DSG3: variants seen among roughly 807,000 people sequenced by gnomAD.
DSG3 encodes desmoglein 3, also known as desmoglein-3.
In DSG3, 63 loss-of-function variants were observed where a neutral mutation model predicts 85.9. The observed-to-expected ratio is 0.73, with a 90% CI of 0.60 to 0.90. The LOEUF is 0.90. Ranked by LOEUF, DSG3 falls within the 40% of genes least tolerant of loss-of-function variation. DSG3 has a pLI of 0.00. For synonymous variants in DSG3, 447 were observed against 441.9 expected (o/e 1.01, Z -0.14); for missense variants, 1,220 against 1,219.9 (o/e 1.00, Z 0.00).
At chr18:31,455,248 A>G (rs530997627) in intron 1 of DSG3, among the ~76,000 whole-genome samples, 7 of 152,158 alleles carry the variant, frequency 4.6e-5, no homozygotes, top group Middle Eastern at 3.4e-3. Context: ...GTAGCAGCTG[A>G]TACCGAAACT....
intron 5 of DSG3, 133 bp from the exon 6 acceptor site, chr18:31,459,712 C>A: frequency 1.2e-6 from 1 of 863,872 alleles, no homozygotes; most frequent in Non-Finnish European, 1.7e-6. Flanking sequence ...AAGTGATATA[C>A]AATTTTTTGA....
chr18:31,470,505 G>A (rs2072849198), intron 12 of DSG3, among the ~76,000 whole-genome samples: 1 of 152,076 alleles, frequency 6.6e-6, no homozygotes, highest in Admixed American at 6.5e-5. Flanking sequence ...GACACTCAGA[G>A]ATTTGGTTTT....
chr18:31,448,490 G>A (rs1476907429), intron 1 of DSG3, among the ~76,000 whole-genome samples: 4 of 152,074 alleles, frequency 2.6e-5, no homozygotes, highest in East Asian at 1.9e-4. Flanking sequence ...TTGGGGATGG[G>A]GGGAAAGACA....
At chr18:31,466,495 T>C in intron 10 of DSG3, 35 bp from the exon 11 acceptor site, 5 of 1,583,162 alleles carry the variant, frequency 3.2e-6, no homozygotes, top group Non-Finnish European at 4.3e-6. Context: ...CTTTGTTCTA[T>C]ACATTTCTTT....
intron 15 of DSG3, among the ~76,000 whole-genome samples, chr18:31,475,081 T>C (rs1394741954): frequency 6.6e-6 from 1 of 152,064 alleles, no homozygotes; most frequent in Non-Finnish European, 1.5e-5. Context: ...AGATCAGTGA[T>C]GGGAGGAATG....
At chr18:31,449,416 G>T (rs1169328268) in intron 1 of DSG3, among the ~76,000 whole-genome samples, 1 of 152,138 alleles carries the variant, frequency 6.6e-6, no homozygotes, top group Non-Finnish European at 1.5e-5. Flanking sequence ...GGGCTGTCGG[G>T]ATAGTATTGC....
chr18:31,448,113 T>C (rs1229629978), intron 1 of DSG3, among the ~76,000 whole-genome samples, 188 bp downstream of exon 1: 2 of 152,240 alleles, frequency 1.3e-5, no homozygotes, highest in Admixed American at 6.5e-5. Context: ...GTATTTTACA[T>C]AGAAAAATAA....
Position 31,469,079 on chromosome 18 carries a change from T to TTC in DSG3, c.1637-6_1637-5dup. 1 of 1,611,242 alleles carries TTC rather than the reference T, an allele frequency of 6.2e-7. No homozygotes were observed. On this transcript the variant is annotated splice_polypyrimidine_tract_variant and intron_variant, in intron 11 of 15. Transcript: ENST00000257189. ...TCCTACTGTTGATTTGCATGATTCT[T>TTC]TCTCTACAGCTACCTCGGCCCTCCT...
At chr18:31,460,627 GT>G (rs1419404868) in intron 6 of DSG3, among the ~76,000 whole-genome samples, 1 of 152,096 alleles carries the variant, frequency 6.6e-6, no homozygotes, top group Admixed American at 6.5e-5. Context: ...TAAGGTTACG[GT>G]AGAGTACAGT....
At position 31,475,776 on chromosome 18, in the gene DSG3, A is replaced by T; in HGVS notation, c.2516A>T (p.Asp839Val). ...GTGGGTTGTTGCAGTTTTATTGCTG[A>T]TGACCTGGATGACAGCTTCTTGGAC... ...GSVGCCSFIA[D>V]DLDDSFLDSL... is the part of the protein sequence containing the mutation. Residue 839 changes from aspartate (D) to valine (V), a missense_variant, in exon 16 of 16, where the codon GAT becomes GTT. Physicochemically the swap from Asp to Val is radical, Grantham distance 152 (BLOSUM62 -3). Transcript: ENST00000257189. 6.2e-7 allele frequency: 1 copy of T among 1,614,166 alleles called. No homozygotes were observed. Among genetic ancestry groups the T allele is most frequent in the Non-Finnish European group, 8.5e-7 (1 of 1,180,042 alleles).
chr18:31,476,485 G>A lies in DSG3; in HGVS notation c.*225G>A, dbSNP rs1018139615. On this transcript the variant is annotated 3_prime_UTR_variant, in exon 16 of 16. Coordinates refer to ENST00000257189, the MANE Select transcript of DSG3 (RefSeq NM_001944.3). Reference sequence around the variant, plus strand: ...TATTCAAATTGTAGTAAATCTTAAAGTTTTTCAAAACCCTAAAATCATATT... The same window carrying A: ...TATTCAAATTGTAGTAAATCTTAAAATTTTTCAAAACCCTAAAATCATATT... The A allele has an allele frequency of 6.8e-6, 3 of 440,160 alleles. No homozygotes were observed. The highest frequency in any genetic ancestry group is 2.0e-5 in the African/African-American group (1 of 49,528). 27.3% of individuals were successfully genotyped at this position (440,160 alleles called of 1,614,324 possible).
In DSG3 at chr18:31,465,337, G is replaced by T; in HGVS notation, c.1291G>T (p.Asp431Tyr). Reference sequence around the variant, plus strand: ...AAACAGATATGTCATGGGACGTAACGATGGTGGATACCTAATGATTGATTC... The same window carrying T: ...AAACAGATATGTCATGGGACGTAACTATGGTGGATACCTAATGATTGATTC... ...SNVKYVMGRN[D>Y]GGYLMIDSKT... Residue 431 changes from aspartate to tyrosine, a missense_variant, in exon 10 of 16, where the codon GAT becomes TAT. By Grantham distance (160) the Asp-to-Tyr change is radical (BLOSUM62 -3). Transcript: ENST00000257189. The T allele has an allele frequency of 6.7e-7, 1 of 1,484,708 alleles. No individual in the cohort carries two copies. Among genetic ancestry groups the T allele is most frequent in the Non-Finnish European group, 9.0e-7 (1 of 1,114,312 alleles). The allele number at this position is 1,484,708 out of a possible 1,614,324, so 92.0% of individuals were successfully genotyped here. A position where few individuals can be genotyped will look rare whatever the true frequency, so the allele number is the denominator to read the frequency against.
chr18:31,472,144 A>G, intron 12 of DSG3, 140 bp from the exon 13 acceptor site: 2 of 1,148,788 alleles, frequency 1.7e-6, no homozygotes, highest in Non-Finnish European at 2.4e-6. Context: ...ATTTGTAGAA[A>G]CTAATTTTGG....
At position 31,476,207 on chromosome 18, in the gene DSG3, C is replaced by T. The variant is rs200805179; in HGVS notation, c.2947C>T (p.Arg983Ter). The T allele has an allele frequency of 1.4e-4, 222 of 1,613,988 alleles. No homozygotes were observed. Among genetic ancestry groups the T allele is most frequent in the Non-Finnish European group, 1.1e-4 (134 of 1,179,996 alleles). The change falls in exon 16 of 16, where the codon CGA becomes TGA. Residue 983 changes from arginine (R) to a stop codon, truncating the protein, a stop_gained. Coordinates refer to ENST00000257189, the MANE Select transcript of DSG3 (RefSeq NM_001944.3). LOFTEE classifies it high-confidence loss of function. ...PGNLAGPTQL[R>*]GSHTMLCTED... ...CAACCTAGCTGGCCCAACGCAGCTACGAGGGTCACATACTATGCTCTGTAC... is the reference window on the plus strand; with the variant it reads ...CAACCTAGCTGGCCCAACGCAGCTATGAGGGTCACATACTATGCTCTGTAC...
intron 8 of DSG3, among the ~76,000 whole-genome samples, 197 bp downstream of exon 8, chr18:31,461,609 G>A (rs1349731339): frequency 1.3e-5 from 2 of 152,188 alleles, no homozygotes; most frequent in African/African-American, 4.8e-5. Flanking sequence ...CTCATTCCAA[G>A]CTATTGAACT....
chr18:31,463,882 T>C (rs1300115661), intron 8 of DSG3, among the ~76,000 whole-genome samples: 1 of 152,162 alleles, frequency 6.6e-6, no homozygotes, highest in Non-Finnish European at 1.5e-5. Flanking sequence ...TATGATGATG[T>C]CTTTCTAGTC....
intron 10 of DSG3, 132 bp downstream of exon 10, chr18:31,465,589 C>A: frequency 1.1e-6 from 1 of 895,048 alleles, no homozygotes; most frequent in Non-Finnish European, 1.5e-6. Context: ...GAGTGTTGGG[C>A]CTCAAGTTTG....
chr18:31,472,820 G>T, intron 14 of DSG3, 32 bp downstream of exon 14: 1 of 1,580,758 alleles, frequency 6.3e-7, no homozygotes, highest in Non-Finnish European at 8.7e-7. Flanking sequence ...GAAAGCAATG[G>T]TGAGTTAAGT....
intron 1 of DSG3, among the ~76,000 whole-genome samples, chr18:31,453,326 G>T (rs2072722302): frequency 6.6e-6 from 1 of 152,096 alleles, no homozygotes. Flanking sequence ...GGCCTGGCTG[G>T]GATGAGCTAC....
Sources: gnomAD v4.1 joint callset for allele counts (sites outside exome capture counted in the v4.1 genomes callset) on GRCh38, gnomAD v4.1.1 for gene constraint, MANE v1.5 for transcripts, NCBI Gene and HGNC (gene_info 2026-07-23, HGNC 2026-07-21) for gene names.